The following DLGAP1 variants were observed in gnomAD, a reference collection of about 807,000 sequenced individuals.
DLGAP1 encodes the protein disks large-associated protein 1.
A neutral mutation model predicts 90.8 loss-of-function variants in DLGAP1; 11 were observed. The ratio of observed to expected loss-of-function variants is 0.12; its 90% CI spans 0.08 to 0.20. The LOEUF is 0.20. DLGAP1 is among the 10% of genes least tolerant of loss of function. The pLI, the probability that DLGAP1 is intolerant of heterozygous loss-of-function variation, is 1.00. For synonymous variants in DLGAP1, 558 were observed against 540.7 expected, an observed-to-expected ratio of 1.03 and a Z score of -0.44; for missense variants, 1,050 against 1,333.8, an observed-to-expected ratio of 0.79 and a Z score of 3.31.
chr18:3,894,458 G>A (rs990499549), intron 3 of DLGAP1, among the ~76,000 whole-genome samples: 4 of 152,066 alleles, frequency 2.6e-5, no homozygotes, highest in Admixed American at 1.3e-4. Context: ...CACCATTTAT[G>A]GAATAGGGTA....
At chr18:4,001,897 G>A (rs2074193959) in intron 3 of DLGAP1, among the ~76,000 whole-genome samples, 1 of 152,152 alleles carries the variant, frequency 6.6e-6, no homozygotes, top group Non-Finnish European at 1.5e-5. Context: ...AAGCCTTACA[G>A]TGAATACTTG....
At chr18:4,381,593 C>A (rs1255336982) in intron 1 of DLGAP1, among the ~76,000 whole-genome samples, 1 of 152,118 alleles carries the variant, frequency 6.6e-6, no homozygotes, top group East Asian at 1.9e-4. Context: ...CATGTTCTAG[C>A]AGATTAAGAA....
At chr18:4,221,797 C>G (rs1453548100) in intron 1 of DLGAP1, among the ~76,000 whole-genome samples, 2 of 152,136 alleles carry the variant, frequency 1.3e-5, no homozygotes, top group Non-Finnish European at 2.9e-5. Flanking sequence ...ACTCAACCTG[C>G]TTAAAATCTG....
intron 7 of DLGAP1, among the ~76,000 whole-genome samples, chr18:3,614,199 C>T (rs1005785636): frequency 2.0e-5 from 3 of 151,806 alleles, no homozygotes; most frequent in Non-Finnish European, 2.9e-5. Context: ...GGATTACAGG[C>T]GAGCCACCGT....
chr18:4,042,666 G>A (rs748335359), intron 2 of DLGAP1, among the ~76,000 whole-genome samples: 16 of 152,170 alleles, frequency 1.1e-4, no homozygotes, highest in East Asian at 1.9e-4. Flanking sequence ...CTTGAACCTC[G>A]GAGGCGAAGG....
intron 2 of DLGAP1, among the ~76,000 whole-genome samples, chr18:4,144,903 A>T (rs2076559075): frequency 6.6e-6 from 1 of 152,260 alleles, no homozygotes; most frequent in Non-Finnish European, 1.5e-5. Context: ...GTCCTTGAAC[A>T]TTCTTACAGT....
intron 2 of DLGAP1, among the ~76,000 whole-genome samples, chr18:4,097,995 C>T (rs1008925944): frequency 6.6e-6 from 1 of 152,194 alleles, no homozygotes; most frequent in East Asian, 1.9e-4. Flanking sequence ...CCTACTGCAG[C>T]CTTGATCTCT....
intron 3 of DLGAP1, among the ~76,000 whole-genome samples, chr18:3,882,043 C>T (rs1247593364): frequency 6.6e-6 from 1 of 152,184 alleles, no homozygotes; most frequent in African/African-American, 2.4e-5. Context: ...ACCACACAAA[C>T]AATCCCCCCA....
At chr18:3,781,517 A>G (rs2065190885) in intron 5 of DLGAP1, among the ~76,000 whole-genome samples, 1 of 151,730 alleles carries the variant, frequency 6.6e-6, no homozygotes. Context: ...CATGCCGGCT[A>G]ATTTTTTTTG....
intron 3 of DLGAP1, among the ~76,000 whole-genome samples, chr18:3,900,416 AC>A (rs1321545114): frequency 6.6e-6 from 1 of 152,152 alleles, no homozygotes; most frequent in African/African-American, 2.4e-5. Flanking sequence ...ACACTTTAGC[AC>A]CTTTTAAACA....
chr18:3,698,475 G>A (rs1040992042), intron 7 of DLGAP1, among the ~76,000 whole-genome samples: 1 of 152,178 alleles, frequency 6.6e-6, no homozygotes, highest in Middle Eastern at 3.2e-3. Context: ...GAAATTCTGG[G>A]TTGAAAATTC....
At position 3,896,945 on chromosome 18, in the gene DLGAP1, A is replaced by ACAC. The variant is rs2071639880; in HGVS notation, c.-72-16806_-72-16805insGTG. Reference sequence around the variant, plus strand: ...CAAAGAGGTTAAGAAGAATTTGAACATTCAGGCCTTGCTGGGTTCCCTGCT... The same window carrying ACAC: ...CAAAGAGGTTAAGAAGAATTTGAACACACTTCAGGCCTTGCTGGGTTCCCTGCT... On this transcript the variant is annotated intron_variant, in intron 3 of 12. Transcript: ENST00000315677. 3.3e-5 allele frequency: 5 copies of ACAC among 152,446 alleles called. No homozygotes were observed. The East Asian group carries it at 9.6e-4, about 29-fold the overall frequency. 9.4% of individuals were successfully genotyped at this position (152,446 alleles called of 1,614,324 possible).
At chr18:3,670,960 A>G (rs1311767535) in intron 7 of DLGAP1, among the ~76,000 whole-genome samples, 2 of 152,186 alleles carry the variant, frequency 1.3e-5, no homozygotes, top group Non-Finnish European at 2.9e-5. Flanking sequence ...ATAATCTCCC[A>G]CTGCTCTTCG....
At chr18:3,744,472 A>G (rs1463853708) in intron 5 of DLGAP1, among the ~76,000 whole-genome samples, 1 of 152,164 alleles carries the variant, frequency 6.6e-6, no homozygotes, top group Non-Finnish European at 1.5e-5. Flanking sequence ...AAAAACCCCC[A>G]CAACAATTTT....
At chr18:4,111,656 CTT>C (rs573454367) in intron 2 of DLGAP1, among the ~76,000 whole-genome samples, 243 of 152,180 alleles carry the variant, frequency 1.6e-3, no homozygotes, top group African/African-American at 5.5e-3. Context: ...TAGATTTTCT[CTT>C]TGTCTGATAA....
intron 1 of DLGAP1, among the ~76,000 whole-genome samples, chr18:4,249,008 C>T (rs1041041306): frequency 2.0e-5 from 3 of 152,206 alleles, no homozygotes; most frequent in Admixed American, 2.0e-4. Flanking sequence ...GGCACTTGTG[C>T]ATCTATTTAT....
intron 3 of DLGAP1, chr18:3,992,969 T>C (rs1048714294): frequency 6.6e-6 from 1 of 152,098 alleles, no homozygotes; most frequent in African/African-American, 2.4e-5. Flanking sequence ...CTCTTAACAG[T>C]TAAGGAGATA....
chr18:3,760,798 T>G (rs2063930236), intron 5 of DLGAP1, among the ~76,000 whole-genome samples: 1 of 152,200 alleles, frequency 6.6e-6, no homozygotes, highest in Non-Finnish European at 1.5e-5. Flanking sequence ...CCAAATCAAT[T>G]ACAACAATCC....
chr18:4,207,850 T>C (rs1364722813), intron 1 of DLGAP1, among the ~76,000 whole-genome samples: 1 of 152,226 alleles, frequency 6.6e-6, no homozygotes, highest in Non-Finnish European at 1.5e-5. Flanking sequence ...CTTTTAAGCT[T>C]TCTTTTTTCC....
Sources: gnomAD v4.1 joint callset for allele counts (sites outside exome capture counted in the v4.1 genomes callset) on GRCh38, gnomAD v4.1.1 for gene constraint, MANE v1.5 for transcripts, NCBI Gene and HGNC (gene_info 2026-07-23, HGNC 2026-07-21) for gene names.